The following GATAD2B variants were observed in gnomAD, a reference collection of about 807,000 sequenced individuals.
The protein encoded by GATAD2B is GATA zinc finger domain containing 2B.
A neutral mutation model predicts 64.3 loss-of-function variants in GATAD2B; 8 were observed. The ratio of observed to expected loss-of-function variants is 0.12; its 90% confidence interval spans 0.07 to 0.22. GATAD2B has a LOEUF of 0.22. GATAD2B is among the 10% of genes least tolerant of loss of function. GATAD2B has a pLI of 1.00. For missense variants in GATAD2B, 453 were observed against 752.0 expected (o/e 0.60, Z 4.65); for synonymous variants, 281 against 271.3 (o/e 1.04, Z -0.35).
chr1:153,904,365 A>G (rs1466851253), intron 1 of GATAD2B, among the ~76,000 whole-genome samples: 3 of 151,986 alleles, frequency 2.0e-5, no homozygotes, highest in African/African-American at 7.2e-5. Context: ...ATAGAAATGG[A>G]AAAACAGTGA....
chr1:153,844,938 G>C (rs1244254841), intron 1 of GATAD2B, among the ~76,000 whole-genome samples: 1 of 151,408 alleles, frequency 6.6e-6, no homozygotes, highest in Non-Finnish European at 1.5e-5. Context: ...TAACAGGCTT[G>C]CAAAGAGGCA....
At position 153,858,510 on chromosome 1, in the gene GATAD2B, T is replaced by A. The variant is rs562361210; in HGVS notation, c.-1-30162A>T. Among the ~76,000 whole-genome samples, 3 of 151,790 alleles carry A rather than the reference T, an allele frequency of 2.0e-5. 1 individual carries two copies. The highest frequency in any genetic ancestry group is 7.2e-5 in the African/African-American group (3 of 41,404). ...GTCCCAGCTACCCAGGAGGCTGAGG[T>A]GGGAGGATCGCTTGAGCTCAGGAGG... On this transcript the variant is annotated intron_variant, in intron 1 of 10. Transcript: ENST00000368655.
chr1:153,904,096 T>G (rs1557831138), intron 1 of GATAD2B, among the ~76,000 whole-genome samples: 2 of 152,062 alleles, frequency 1.3e-5, no homozygotes, highest in Non-Finnish European at 2.9e-5. Flanking sequence ...CTGGCCAACA[T>G]GAAGAAACCT....
chr1:153,862,271 T>C (rs1311626547), intron 1 of GATAD2B, among the ~76,000 whole-genome samples: 1 of 151,622 alleles, frequency 6.6e-6, no homozygotes, highest in Non-Finnish European at 1.5e-5. Context: ...TACAGGCTCA[T>C]GCCGTCACAC....
At chr1:153,837,317 G>A (rs1022805045) in intron 1 of GATAD2B, among the ~76,000 whole-genome samples, 8 of 150,606 alleles carry the variant, frequency 5.3e-5, no homozygotes, top group African/African-American at 1.7e-4. Flanking sequence ...AGAGTAAGAT[G>A]CCCTTATCTC....
At chr1:153,912,544 C>CA (rs1376181633) in intron 1 of GATAD2B, among the ~76,000 whole-genome samples, 5 of 152,186 alleles carry the variant, frequency 3.3e-5, no homozygotes, top group Non-Finnish European at 7.3e-5. Context: ...TGCAATACTT[C>CA]AAAGGTCTTC....
chr1:153,868,212 T>A (rs1017702483), intron 1 of GATAD2B, among the ~76,000 whole-genome samples: 7 of 151,124 alleles, frequency 4.6e-5, no homozygotes, highest in African/African-American at 1.2e-4. Context: ...CAAAAAAAAA[T>A]AAATAAATAA....
chr1:153,848,119 G>A (rs922127259), intron 1 of GATAD2B, among the ~76,000 whole-genome samples: 1 of 152,068 alleles, frequency 6.6e-6, no homozygotes, highest in African/African-American at 2.4e-5. Flanking sequence ...TACCAACTTG[G>A]TATAGTATTT....
chr1:153,892,693 T>A (rs1489504182), intron 1 of GATAD2B, among the ~76,000 whole-genome samples: 1 of 32,540 alleles, frequency 3.1e-5, no homozygotes, highest in Non-Finnish European at 7.7e-5. Flanking sequence ...GTAAGAAACC[T>A]TTTTTTTTTT....
rs757942482 is a variant in GATAD2B at position 153,819,366 on chromosome 1, T to C, written c.465+240A>G. Among the ~76,000 whole-genome samples, 5 of 152,234 alleles carry C rather than the reference T, an allele frequency of 3.3e-5. No individual in the cohort carries two copies. The South Asian group carries it at 1.0e-3, about 31-fold the overall frequency. ...TAATTATGAACTTTTGTTTTCATTT[T>C]CCAAAGATAAATAACACTGAGTATA... is the stretch of plus-strand genomic sequence containing the variant. On this transcript the variant is annotated intron_variant, in intron 3 of 10. Transcript: ENST00000368655.
chr1:153,817,575 C>T (rs770511198), intron 5 of GATAD2B, 33 bp from the exon 6 acceptor site: 35 of 1,530,666 alleles, frequency 2.3e-5, no homozygotes, highest in Non-Finnish European at 2.7e-5. Context: ...GAACTAATCA[C>T]AGGTTGTACG....
chr1:153,888,461 T>C (rs574372178), intron 1 of GATAD2B, among the ~76,000 whole-genome samples: 6 of 152,310 alleles, frequency 3.9e-5, no homozygotes, highest in African/African-American at 1.4e-4. Context: ...AGTGATGAGG[T>C]GTGCAAATAC....
At position 153,831,453 on chromosome 1, in the gene GATAD2B, T is replaced by C. The variant is rs558045423; in HGVS notation, c.-1-3105A>G. Among the ~76,000 whole-genome samples, 5 of 152,144 alleles carry C rather than the reference T, an allele frequency of 3.3e-5. No individual in the cohort carries two copies. The South Asian group carries it at 8.3e-4, about 25-fold the overall frequency. On this transcript the variant is annotated intron_variant, in intron 1 of 10. Transcript: ENST00000368655. ...AACCACCATGGCACATGTATACCTA[T>C]GTAATAAACCTTCAGGTTCTGTGCA...
intron 1 of GATAD2B, among the ~76,000 whole-genome samples, chr1:153,874,026 G>A (rs1031473559): frequency 2.0e-5 from 3 of 152,098 alleles, no homozygotes; most frequent in Admixed American, 6.6e-5. Context: ...TTGGGAGGCC[G>A]AGGAGGGTGG....
chr1:153,901,230 TTA>T (rs1483138754), intron 1 of GATAD2B, among the ~76,000 whole-genome samples: 2 of 151,292 alleles, frequency 1.3e-5, no homozygotes, highest in African/African-American at 4.9e-5. Flanking sequence ...AAAAAAAAAT[TTA>T]TATGTTTGTA....
chr1:153,896,634 C>T (rs963173420), intron 1 of GATAD2B, among the ~76,000 whole-genome samples: 1 of 151,962 alleles, frequency 6.6e-6, no homozygotes, highest in East Asian at 1.9e-4. Context: ...TGGGGTTTCT[C>T]CATGTTGGTC....
At position 153,871,705 on chromosome 1, in the gene GATAD2B, A is replaced by C. The variant is rs189303261; in HGVS notation, c.-1-43357T>G. On this transcript the variant is annotated intron_variant, in intron 1 of 10. Coordinates refer to ENST00000368655, the MANE Select transcript of GATAD2B (RefSeq NM_020699.4). ...AGGCTGGTCTCGACCTCCTGGCCTC[A>C]AGTGATCCGCCCACTTCAGCCTCCC... is the stretch of plus-strand genomic sequence containing the variant. Among the ~76,000 whole-genome samples, 569 of 151,086 alleles carry C rather than the reference A, an allele frequency of 3.8e-3. 8 individuals are homozygous for C. The highest frequency in any genetic ancestry group is 0.013 in the African/African-American group (517 of 41,220).
At chr1:153,884,611 A>T (rs1677120187) in intron 1 of GATAD2B, among the ~76,000 whole-genome samples, 1 of 152,170 alleles carries the variant, frequency 6.6e-6, no homozygotes, top group Admixed American at 6.6e-5. Flanking sequence ...TCAAAAACAA[A>T]AACAAAAAAA....
At chr1:153,911,693 G>A (rs747268456) in intron 1 of GATAD2B, among the ~76,000 whole-genome samples, 1 of 151,764 alleles carries the variant, frequency 6.6e-6, no homozygotes, top group Non-Finnish European at 1.5e-5. Flanking sequence ...CAGAGATCGC[G>A]CCACTGCACT....
Sources: allele counts gnomAD v4.1 joint callset (sites outside exome capture counted in the v4.1 genomes callset), GRCh38; gene constraint gnomAD v4.1.1; transcripts MANE v1.5; gene names NCBI Gene and HGNC (gene_info 2026-07-23, HGNC 2026-07-21).